The following EYA2 variants were observed in gnomAD, a reference collection of about 807,000 sequenced individuals.
The protein encoded by EYA2 is protein phosphatase EYA2.
EYA2 carries 31 observed loss-of-function variants against 69.2 expected under a neutral mutation model. That is an observed-to-expected ratio of 0.45 (90% confidence interval 0.34 to 0.60). The LOEUF (loss-of-function observed/expected upper bound fraction) is 0.60. EYA2 is among the 20% of genes least tolerant of loss of function. EYA2 has a pLI of 0.02. For synonymous variants in EYA2, 257 were observed against 279.4 expected (o/e 0.92, Z 0.80); for missense variants, 622 against 701.2 (o/e 0.89, Z 1.28).
chr20:46,986,367 A>G (rs1021253744), intron 1 of EYA2, among the ~76,000 whole-genome samples: 8 of 20,370 alleles, frequency 3.9e-4, no homozygotes, highest in African/African-American at 8.1e-4. Flanking sequence ...TAGATATATT[A>G]TATATTATGT....
At chr20:47,083,680 CTG>C (rs1314512853) in intron 7 of EYA2, among the ~76,000 whole-genome samples, 2 of 150,940 alleles carry the variant, frequency 1.3e-5, no homozygotes, top group African/African-American at 4.9e-5. Context: ...AAATATAAAA[CTG>C]TAATCTTCTA....
At chr20:46,938,378 A>T (rs540857209) in intron 1 of EYA2, among the ~76,000 whole-genome samples, 1 of 152,344 alleles carries the variant, frequency 6.6e-6, no homozygotes, top group African/African-American at 2.4e-5. Flanking sequence ...ATAACAAGTT[A>T]CCCCAAACTT....
At chr20:47,093,233 G>T (rs923966420) in intron 8 of EYA2, among the ~76,000 whole-genome samples, 1 of 152,122 alleles carries the variant, frequency 6.6e-6, no homozygotes, top group African/African-American at 2.4e-5. Context: ...ATGAAACCAG[G>T]TCCTGGTAAA....
intron 5 of EYA2, among the ~76,000 whole-genome samples, chr20:47,030,325 C>T (rs544110311): frequency 4.9e-4 from 74 of 152,316 alleles, no homozygotes; most frequent in African/African-American, 1.7e-3. Context: ...TTTCCAGGCA[C>T]CCCCTAGGGG....
intron 1 of EYA2, among the ~76,000 whole-genome samples, chr20:46,931,949 C>T (rs1985688017): frequency 6.6e-6 from 1 of 150,554 alleles, no homozygotes; most frequent in Non-Finnish European, 1.5e-5. Context: ...AGCTTGAACA[C>T]TGTGTCCTCA....
At chr20:47,016,552 G>A (rs140739667) in intron 5 of EYA2, among the ~76,000 whole-genome samples, 1,941 of 152,320 alleles carry the variant, frequency 0.013, 28 homozygotes, top group African/African-American at 0.034. Context: ...AATAAACCTG[G>A]TCTTTGCATA....
At chr20:46,917,335 C>G (rs1236769603) in intron 1 of EYA2, among the ~76,000 whole-genome samples, 1 of 152,224 alleles carries the variant, frequency 6.6e-6, no homozygotes, top group Non-Finnish European at 1.5e-5. Context: ...AGGGGAATTA[C>G]TGTCCCCATT....
rs983182923 is a variant in EYA2, at chr20:47,017,232, C to T, written c.415+935C>T. 2.6e-5 allele frequency among the ~76,000 whole-genome samples: 4 copies of T among 152,276 alleles called. No homozygotes were observed. In the East Asian group the frequency reaches 7.7e-4, roughly 29 times the overall value. On this transcript the variant is annotated intron_variant, in intron 5 of 15. Transcript: ENST00000327619. ...TGTAATTATGGGGATCCCCATTCTG[C>T]TGTTTCCCTTTATATAAGCTGCTAA...
rs1007723954 is a variant in EYA2, at chr20:47,152,730, G to C, written c.978+9582G>C. ...GGAGGCTGAGGCACGAGAATCACTC[G>C]AACCCAGGAGGCAATGGTCGCGGTG... is the stretch of plus-strand genomic sequence containing the variant. On this transcript the variant is annotated intron_variant, in intron 10 of 15. Transcript: ENST00000327619. Among the ~76,000 whole-genome samples the C allele has an allele frequency of 1.1e-3, 171 of 151,028 alleles. 1 individual carries two copies. The highest frequency in any genetic ancestry group is 1.6e-3 in the Non-Finnish European group (108 of 67,898).
At chr20:46,895,674 T>C (rs1983770128) in intron 1 of EYA2, among the ~76,000 whole-genome samples, 1 of 152,014 alleles carries the variant, frequency 6.6e-6, no homozygotes, top group Non-Finnish European at 1.5e-5. Context: ...AAGTGGGAAA[T>C]GGAATTGTTT....
chr20:46,906,733 G>T (rs150670613), intron 1 of EYA2, among the ~76,000 whole-genome samples: 11 of 152,204 alleles, frequency 7.2e-5, no homozygotes, highest in Non-Finnish European at 1.6e-4. Flanking sequence ...GCAAGTGCAG[G>T]GGTAGAGCCA....
At chr20:46,999,875 C>T (rs1403361963) in intron 2 of EYA2, among the ~76,000 whole-genome samples, 3 of 152,318 alleles carry the variant, frequency 2.0e-5, no homozygotes, top group African/African-American at 2.4e-5. Flanking sequence ...AATGGCATCG[C>T]GTGCTCAGAG....
chr20:46,895,129 G>C (rs1208579559), intron 1 of EYA2, 142 bp downstream of exon 1: 4 of 152,368 alleles, frequency 2.6e-5, no homozygotes, highest in African/African-American at 7.2e-5. Flanking sequence ...GGACGTTCTG[G>C]GGCGCACGGG....
At chr20:47,099,239 G>A (rs991976756) in intron 9 of EYA2, among the ~76,000 whole-genome samples, 1 of 152,220 alleles carries the variant, frequency 6.6e-6, no homozygotes, top group Non-Finnish European at 1.5e-5. Context: ...TTGCACTTCT[G>A]GCCTGTCCCC....
intron 9 of EYA2, among the ~76,000 whole-genome samples, chr20:47,140,545 A>T (rs1285198575): frequency 6.6e-6 from 1 of 152,164 alleles, no homozygotes; most frequent in East Asian, 1.9e-4. Flanking sequence ...GACTGTATGG[A>T]GCAAGGGGAC....
At chr20:47,049,266 C>T (rs1387825952) in intron 5 of EYA2, among the ~76,000 whole-genome samples, 1 of 152,212 alleles carries the variant, frequency 6.6e-6, no homozygotes, top group Non-Finnish European at 1.5e-5. Flanking sequence ...GTGATCAGAA[C>T]TAGAAAAATG....
At chr20:47,127,918 CATT>C (rs2033240791) in intron 9 of EYA2, among the ~76,000 whole-genome samples, 1 of 152,234 alleles carries the variant, frequency 6.6e-6, no homozygotes, top group African/African-American at 2.4e-5. Flanking sequence ...CAGACCAAGA[CATT>C]ATTCAGAGAG....
chr20:46,978,769 G>A (rs904048302), intron 1 of EYA2: 2 of 513,366 alleles, frequency 3.9e-6, no homozygotes, highest in Admixed American at 4.2e-5. Context: ...ATGGTGGCTT[G>A]GACCTGGGCG....
intron 10 of EYA2, among the ~76,000 whole-genome samples, chr20:47,157,768 T>G (rs1239457209): frequency 1.3e-5 from 2 of 151,884 alleles, no homozygotes; most frequent in East Asian, 3.9e-4. Context: ...GTTAAATCAT[T>G]AAAGAGAAAG....
Sources: allele counts gnomAD v4.1 joint callset (sites outside exome capture counted in the v4.1 genomes callset), GRCh38; gene constraint gnomAD v4.1.1; transcripts MANE v1.5; gene names NCBI Gene and HGNC (gene_info 2026-07-23, HGNC 2026-07-21).